HHIPL2: variants seen among roughly 807,000 people sequenced by gnomAD.
The protein encoded by HHIPL2 is HHIP-like protein 2.
In HHIPL2, 61 loss-of-function variants were observed where a neutral mutation model predicts 61.0. That is an observed-to-expected ratio of 1.00 (90% CI 0.81 to 1.24). The LOEUF is 1.24. HHIPL2 is among the 50% of genes most tolerant of loss of function. HHIPL2 has a pLI of 0.00. For missense variants in HHIPL2, 885 were observed against 910.2 expected (o/e 0.97, Z 0.36); for synonymous variants, 343 against 357.4 (o/e 0.96, Z 0.45).
chr1:222,525,313 A>G (rs1417548028), intron 7 of HHIPL2: 1 of 152,216 alleles, frequency 6.6e-6, no homozygotes, highest in East Asian at 1.9e-4. Context: ...GAAGCACTTT[A>G]AAGACCCTGA....
In HHIPL2 at chr1:222,548,081, C is replaced by T. The variant is rs1392449971; in HGVS notation, c.-37G>A. 6.8e-7 allele frequency: 1 copy of T among 1,470,686 alleles called. No individual in the cohort carries two copies. Among genetic ancestry groups the T allele is most frequent in the South Asian group, 1.3e-5 (1 of 75,478 alleles). 91.1% of individuals were successfully genotyped at this position (1,470,686 alleles called of 1,614,324 possible). ...GAACACTCGGGCTGCTGTGTTTGCTCAGGTTGGCTTCCCTGCTCTGCCCAA... is the reference window on the plus strand; with the variant it reads ...GAACACTCGGGCTGCTGTGTTTGCTTAGGTTGGCTTCCCTGCTCTGCCCAA... On this transcript the variant is annotated 5_prime_UTR_variant, in exon 1 of 9. Transcript: ENST00000343410.
At chr1:222,527,082 G>A in intron 6 of HHIPL2, 32 bp from the exon 7 acceptor site, 1 of 1,519,746 alleles carries the variant, frequency 6.6e-7, no homozygotes, top group Non-Finnish European at 9.1e-7. Context: ...GGCAATAATG[G>A]GACATCAGGC....
In HHIPL2 at chr1:222,540,018, G is replaced by A. The variant is rs202028569; in HGVS notation, c.1442C>T (p.Ala481Val). 288 of 1,613,108 alleles carry A rather than the reference G, an allele frequency of 1.8e-4. No homozygotes were observed. The highest frequency in any genetic ancestry group is 2.3e-4 in the Non-Finnish European group (273 of 1,179,288). ...ACYDKKLCHN[A>V]SLDDVLPIYA... ...GAGAGCTTCTTACTTACCCAAAGAG[G>A]CATTGTGACAAAGTTTTTTGTCATA... The change falls in exon 4 of 9, where the codon GCC (alanine) becomes GTC (valine). Residue 481 changes from alanine (A) to valine (V), a missense_variant. Ala to Val is a moderately conservative substitution (Grantham distance 64). Transcript: ENST00000343410.
At chr1:222,534,640 G>A (rs984682086) in intron 5 of HHIPL2, among the ~76,000 whole-genome samples, 1 of 144,582 alleles carries the variant, frequency 6.9e-6, no homozygotes, top group Admixed American at 6.9e-5. Flanking sequence ...CCCAAATCAA[G>A]TTTCTAGAGG....
intron 7 of HHIPL2, among the ~76,000 whole-genome samples, 190 bp from the exon 8 acceptor site, chr1:222,523,884 G>A (rs1571761818): frequency 6.6e-6 from 1 of 152,166 alleles, no homozygotes; most frequent in Non-Finnish European, 1.5e-5. Context: ...ACAGAACAGG[G>A]CTCCTCAGGC....
intron 6 of HHIPL2, among the ~76,000 whole-genome samples, chr1:222,528,818 T>A (rs547275979): frequency 1.5e-5 from 2 of 134,864 alleles, no homozygotes; most frequent in African/African-American, 6.0e-5. Flanking sequence ...TTTAAACAAC[T>A]AATTTTTTTT....
At position 222,540,097 on chromosome 1, in the gene HHIPL2, G is replaced by A. The variant is rs763161567; in HGVS notation, c.1363C>T (p.Leu455Phe). 1.9e-6 allele frequency: 3 copies of A among 1,614,230 alleles called. No homozygotes were observed. The highest frequency in any genetic ancestry group is 1.1e-5 in the South Asian group (1 of 91,088). The change falls in exon 4 of 9, where the codon CTC becomes TTC. Residue 455 changes from leucine to phenylalanine, a missense_variant. Leu to Phe is a conservative substitution (Grantham distance 22). Coordinates refer to ENST00000343410, the MANE Select transcript of HHIPL2 (RefSeq NM_024746.4). ...VGQNRFEEVD[L>F]ILKGGNYGWR... ...CCATAGTTTCCACCTTTCAAAATGAGGTCAACCTCTTCAAACCTGTTCTGG... is the reference window on the plus strand; with the variant it reads ...CCATAGTTTCCACCTTTCAAAATGAAGTCAACCTCTTCAAACCTGTTCTGG...
chr1:222,531,443 C>T (rs4846761), intron 6 of HHIPL2, among the ~76,000 whole-genome samples: 70,379 of 152,062 alleles, frequency 0.46, 17,199 homozygotes, highest in East Asian at 0.66. Context: ...ATTGGTGAAA[C>T]GAGCATTATA....
Position 222,522,304 on chromosome 1 carries a change from T to G in HHIPL2, c.*297A>C. ...ATTTATTACCTCAGGTTGTAGGCAT[T>G]TACAAGACAAAACGGAGACATCCAG... On this transcript the variant is annotated 3_prime_UTR_variant, in exon 9 of 9. Coordinates refer to ENST00000343410, the MANE Select transcript of HHIPL2 (RefSeq NM_024746.4). 2.4e-6 allele frequency: 1 copy of G among 410,022 alleles called. No individual in the cohort carries two copies. The highest frequency in any genetic ancestry group is 4.4e-6 in the Non-Finnish European group (1 of 228,580). The allele number at this position is 410,022 out of a possible 1,614,324, so 25.4% of individuals were successfully genotyped here.
intron 6 of HHIPL2, among the ~76,000 whole-genome samples, chr1:222,528,649 T>C (rs913876583): frequency 6.6e-6 from 1 of 152,156 alleles, no homozygotes; most frequent in Non-Finnish European, 1.5e-5. Flanking sequence ...GTAGTTATTT[T>C]TACTTTCTTA....
chr1:222,523,726 A>C (rs1659003932), intron 7 of HHIPL2, 32 bp from the exon 8 acceptor site: 1 of 1,603,446 alleles, frequency 6.2e-7, no homozygotes, highest in Non-Finnish European at 8.5e-7. Flanking sequence ...ATGAGGACGC[A>C]AGACTCTGAA....
intron 2 of HHIPL2, 61 bp downstream of exon 2, chr1:222,543,476 G>T: frequency 6.8e-7 from 1 of 1,465,316 alleles, no homozygotes; most frequent in South Asian, 1.3e-5. Context: ...TTATCTCGCA[G>T]ACCTGGTTGG....
chr1:222,547,327 C>T (rs1003529640), intron 1 of HHIPL2, among the ~76,000 whole-genome samples: 1 of 152,198 alleles, frequency 6.6e-6, no homozygotes. Flanking sequence ...GCCACCACTC[C>T]CTCCCTTAAC....
chr1:222,543,396 T>C, intron 2 of HHIPL2, 141 bp downstream of exon 2: 1 of 843,878 alleles, frequency 1.2e-6, no homozygotes. Context: ...ACTTGGGCCG[T>C]TCTCAATCCA....
intron 4 of HHIPL2, 189 bp from the exon 5 acceptor site, chr1:222,538,963 A>C: frequency 1.9e-6 from 1 of 540,064 alleles, no homozygotes; most frequent in Non-Finnish European, 3.1e-6. Context: ...AATATTTGCA[A>C]ACTTCCTACT....
chr1:222,539,674 A>C (rs192231420), intron 4 of HHIPL2, among the ~76,000 whole-genome samples: 1 of 152,328 alleles, frequency 6.6e-6, no homozygotes, highest in East Asian at 1.9e-4. Context: ...TTGGTCTGCC[A>C]GTGGTTCTCA....
Position 222,545,302 on chromosome 1 carries a change from C to T in HHIPL2, c.322-1113G>A, listed in dbSNP as rs185554699. ...CTCATTCACCTCTGTGCTGCCATCG[C>T]TTCACAAAAGGACCAGCAGCATTTT... On this transcript the variant is annotated intron_variant, in intron 1 of 8. Transcript: ENST00000343410. Among the ~76,000 whole-genome samples the T allele has an allele frequency of 9.2e-5, 14 of 152,344 alleles. No individual in the cohort carries two copies. In the East Asian group the frequency reaches 2.5e-3, roughly 27 times the overall value.
At chr1:222,527,590 A>G (rs986692364) in intron 6 of HHIPL2, among the ~76,000 whole-genome samples, 3 of 151,780 alleles carry the variant, frequency 2.0e-5, no homozygotes, top group Non-Finnish European at 4.4e-5. Context: ...TCCATGCCCC[A>G]CAAAAATCAC....
At chr1:222,524,443 T>C (rs1659019815) in intron 7 of HHIPL2, among the ~76,000 whole-genome samples, 1 of 152,264 alleles carries the variant, frequency 6.6e-6, no homozygotes, top group Non-Finnish European at 1.5e-5. Flanking sequence ...AACACTTACG[T>C]AGTGCTTAGG....
Sources: allele counts gnomAD v4.1 joint callset (sites outside exome capture counted in the v4.1 genomes callset), GRCh38; gene constraint gnomAD v4.1.1; transcripts MANE v1.5; gene names NCBI Gene and HGNC (gene_info 2026-07-23, HGNC 2026-07-21).